Variants in POGLUT1 observed in about 807,000 individuals in gnomAD.
POGLUT1 encodes the protein 9630046K23Rik.
POGLUT1 carries 32 observed loss-of-function variants against 61.3 expected under a neutral mutation model. The observed-to-expected ratio is 0.52, with a 90% CI of 0.39 to 0.70. The LOEUF (loss-of-function observed/expected upper bound fraction) is 0.70. POGLUT1 is among the 30% of genes least tolerant of loss of function. The pLI is 0.00. For missense variants in POGLUT1, 411 were observed against 469.8 expected (o/e 0.87, Z 1.16); for synonymous variants, 158 against 158.2 (o/e 1.00, Z 0.01).
At chr3:119,482,334 T>A (rs1017721514) in intron 5 of POGLUT1, among the ~76,000 whole-genome samples, 2 of 152,238 alleles carry the variant, frequency 1.3e-5, no homozygotes, top group African/African-American at 4.8e-5. Flanking sequence ...TGTATCTAAG[T>A]AATCTTTCCA....
chr3:119,471,218 T>C, intron 2 of POGLUT1, 91 bp from the exon 3 acceptor site: 1 of 1,141,826 alleles, frequency 8.8e-7, no homozygotes, highest in Non-Finnish European at 1.3e-6. Flanking sequence ...TACTGTGTTC[T>C]CTAATACGAA....
chr3:119,478,438 A>G (rs4688005), intron 4 of POGLUT1: 364,682 of 456,388 alleles, frequency 0.8, 146,197 homozygotes, highest in East Asian at 0.87. Context: ...ATTGTTTGTC[A>G]TGAAACTCAC....
chr3:119,477,480 G>A (rs980855384), intron 4 of POGLUT1, 32 bp downstream of exon 4: 3 of 1,606,892 alleles, frequency 1.9e-6, no homozygotes, highest in Non-Finnish European at 2.6e-6. Context: ...TGGGTGGATG[G>A]AGAGTGGTCC....
At chr3:119,471,204 C>A in intron 2 of POGLUT1, 105 bp from the exon 3 acceptor site, 1 of 962,084 alleles carries the variant, frequency 1.0e-6, no homozygotes, top group Non-Finnish European at 1.6e-6. Context: ...TCTTTCCTTC[C>A]ACTTACTGTG....
chr3:119,478,195 A>G, intron 4 of POGLUT1: 1 of 365,244 alleles, frequency 2.7e-6, no homozygotes, highest in African/African-American at 2.1e-5. Context: ...AGTGGATGGA[A>G]GATTCTATGG....
At chr3:119,481,686 C>T (rs2081607201) in intron 5 of POGLUT1, among the ~76,000 whole-genome samples, 1 of 152,156 alleles carries the variant, frequency 6.6e-6, no homozygotes, top group African/African-American at 2.4e-5. Flanking sequence ...TAGAAATTGT[C>T]TTTGTCCAGC....
chr3:119,484,807 T>C lies in POGLUT1; in HGVS notation c.579-521T>C, dbSNP rs148504333. 2.5e-3 allele frequency among the ~76,000 whole-genome samples: 376 copies of C among 152,180 alleles called. 1 individual carries two copies. Among genetic ancestry groups the C allele is most frequent in the African/African-American group, 7.6e-3 (314 of 41,506 alleles). On this transcript the variant is annotated intron_variant, in intron 5 of 10. Transcript: ENST00000295588. Reference sequence around the variant, plus strand: ...ATGTTGTTAACTTGTTAATGGGGAGTAGATTTGTAGATACAACTGGGTAGC... The same window carrying C: ...ATGTTGTTAACTTGTTAATGGGGAGCAGATTTGTAGATACAACTGGGTAGC...
At chr3:119,469,407 T>C in intron 1 of POGLUT1, 1 of 565,288 alleles carries the variant, frequency 1.8e-6, no homozygotes, top group Non-Finnish European at 3.2e-6. Context: ...CCTGAAACAC[T>C]GAGGGGTCGG....
rs765379123 is a variant in POGLUT1, at chr3:119,492,474, C to T, written c.*36C>T. On this transcript the variant is annotated 3_prime_UTR_variant, in exon 11 of 11. Transcript: ENST00000295588. ...AGGACCATAGTCCTCTTTGTGGCAA[C>T]AGATCTCAGATATCCTACGGTGAGA... 1 of 1,397,900 alleles carries T rather than the reference C, an allele frequency of 7.2e-7. No homozygotes were observed. The highest frequency in any genetic ancestry group is 2.1e-5 in the Admixed American group (1 of 48,092). 86.6% of individuals were successfully genotyped at this position (1,397,900 alleles called of 1,614,324 possible).
intron 7 of POGLUT1, chr3:119,488,612 G>A (rs2081701487): frequency 1.0e-5 from 2 of 196,720 alleles, no homozygotes; most frequent in Non-Finnish European, 2.1e-5. Context: ...TTTACACAGA[G>A]TGAAGTGTGC....
chr3:119,469,918 CT>C lies in POGLUT1; in HGVS notation c.176+12del. The C allele has an allele frequency of 1.3e-6, 2 of 1,519,072 alleles. No individual in the cohort carries two copies. The highest frequency in any genetic ancestry group is 1.8e-6 in the Non-Finnish European group (2 of 1,093,876). The allele number at this position is 1,519,072 out of a possible 1,614,324, so 94.1% of individuals were successfully genotyped here. Reference sequence around the variant, plus strand: ...CTGCAGCTGCTACCATGGGTGAGTTCTTTTCTTTGATGTGTCTTTGAGAGTT... The same window carrying C: ...CTGCAGCTGCTACCATGGGTGAGTTCTTTCTTTGATGTGTCTTTGAGAGTT... On this transcript the variant is annotated intron_variant, in intron 2 of 10. Coordinates refer to ENST00000295588, the MANE Select transcript of POGLUT1 (RefSeq NM_152305.3).
Position 119,469,903 on chromosome 3 carries a change from T to C in POGLUT1, c.169T>C (p.Tyr57His). ...ATGTTCAAGTCAAAACTGCAGCTGC[T>C]ACCATGGGTGAGTTCTTTTCTTTGA... Reference protein sequence around the residue: ...EPCSSQNCSCYHGVIEEDLTP... With the variant: ...EPCSSQNCSCHHGVIEEDLTP... Residue 57 changes from tyrosine to histidine, a missense_variant, in exon 2 of 11, where the codon TAC (tyrosine) becomes CAC (histidine). By Grantham distance (83) the Tyr-to-His change is moderately conservative. Transcript: ENST00000295588. 6.8e-7 allele frequency: 1 copy of C among 1,462,124 alleles called. No homozygotes were observed. The highest frequency in any genetic ancestry group is 1.4e-5 in the African/African-American group (1 of 72,022). 90.6% of individuals were successfully genotyped at this position (1,462,124 alleles called of 1,614,324 possible).
At position 119,471,346 on chromosome 3, in the gene POGLUT1, A is replaced by C; in HGVS notation, c.214A>C (p.Ile72Leu). The C allele has an allele frequency of 6.2e-7, 1 of 1,614,030 alleles. No homozygotes were observed. Among genetic ancestry groups the C allele is most frequent in the Non-Finnish European group, 8.5e-7 (1 of 1,179,884 alleles). ...EEDLTPFRGG[I>L]SRKMMAEVVR... ...GGATCTAACTCCTTTCCGAGGAGGC[A>C]TCTCCAGGAAGATGATGGCAGAGGT... The change falls in exon 3 of 11, where the codon ATC becomes CTC. Residue 72 changes from isoleucine to leucine, a missense_variant. Transcript: ENST00000295588.
intron 4 of POGLUT1, 92 bp downstream of exon 4, chr3:119,477,540 A>T: frequency 8.0e-7 from 1 of 1,253,370 alleles, no homozygotes; most frequent in Non-Finnish European, 1.1e-6. Context: ...TCTGATGGAT[A>T]ATGGTAAGGA....
chr3:119,474,560 G>A (rs2081514454), intron 3 of POGLUT1, among the ~76,000 whole-genome samples: 2 of 152,216 alleles, frequency 1.3e-5, no homozygotes, highest in South Asian at 4.1e-4. Context: ...ATGTGGCCGG[G>A]CATGGTGGAT....
chr3:119,486,883 A>C lies in POGLUT1; in HGVS notation c.689A>C (p.Lys230Thr), dbSNP rs780728548. Residue 230 changes from lysine to threonine, a missense_variant, in exon 7 of 11, where the codon AAA becomes ACA. Physicochemically the swap from Lys to Thr is moderately conservative, Grantham distance 78. Transcript: ENST00000295588. ...ATTCTTCTGTCTCGGAAAAACCCAA[A>C]ACTTGTTGATGCAGAATACACCAAA... The part of the protein sequence containing the change: ...PLILLSRKNP[K>T]LVDAEYTKNQ... 1.1e-5 allele frequency: 18 copies of C among 1,613,878 alleles called. No homozygotes were observed. Among genetic ancestry groups the C allele is most frequent in the Middle Eastern group, 3.3e-4 (2 of 6,084 alleles).
chr3:119,483,998 A>T (rs1454904110), intron 5 of POGLUT1, among the ~76,000 whole-genome samples: 1 of 152,232 alleles, frequency 6.6e-6, no homozygotes, highest in Non-Finnish European at 1.5e-5. Flanking sequence ...TTTTCATGAG[A>T]ACTTTGCATG....
rs149739902 is a variant in POGLUT1, at chr3:119,481,555, A to G, written c.578+1383A>G. Among the ~76,000 whole-genome samples, 376 of 152,354 alleles carry G rather than the reference A, an allele frequency of 2.5e-3. 1 individual carries two copies. Among genetic ancestry groups the G allele is most frequent in the African/African-American group, 7.6e-3 (316 of 41,596 alleles). On this transcript the variant is annotated intron_variant, in intron 5 of 10. Transcript: ENST00000295588. ...TAATATTCCCTTCCTGAAGAAACGT[A>G]CAGGGCTGCAGTCCTCAGTGGTGGG...
chr3:119,485,889 A>G (rs113416601), intron 6 of POGLUT1, among the ~76,000 whole-genome samples: 92 of 152,330 alleles, frequency 6.0e-4, no homozygotes, highest in African/African-American at 1.9e-3. Flanking sequence ...TGGCAAAGGT[A>G]GTAGGAGGAC....
Sources: gnomAD v4.1 joint callset for allele counts (sites outside exome capture counted in the v4.1 genomes callset) on GRCh38, gnomAD v4.1.1 for gene constraint, MANE v1.5 for transcripts, NCBI Gene and HGNC (gene_info 2026-07-23, HGNC 2026-07-21) for gene names.